Variants in WDFY3 observed in about 807,000 individuals in gnomAD.
WDFY3 encodes WD repeat and FYVE domain containing 3, also known as WD repeat and FYVE domain-containing protein 3.
Under a neutral mutation model 409.6 loss-of-function variants are expected in WDFY3, and 66 were observed. The ratio of observed to expected loss-of-function variants is 0.16; its 90% CI spans 0.13 to 0.20. The LOEUF is 0.20. Among genes scored for constraint, WDFY3 ranks in the 10% least tolerant of loss-of-function variants. The pLI is 1.00. For missense variants in WDFY3, 3,031 were observed against 4,298.1 expected (o/e 0.71, Z 8.24); for synonymous variants, 1,521 against 1,537.1 (o/e 0.99, Z 0.25).
chr4:84,828,733 T>C (rs758058250), intron 9 of WDFY3, among the ~76,000 whole-genome samples: 1 of 152,134 alleles, frequency 6.6e-6, no homozygotes, highest in Non-Finnish European at 1.5e-5. Flanking sequence ...CCTGTCTCTA[T>C]GGAAAATGTT....
intron 2 of WDFY3, among the ~76,000 whole-genome samples, chr4:84,924,938 T>C (rs1355048596): frequency 6.6e-6 from 1 of 152,192 alleles, no homozygotes; most frequent in African/African-American, 2.4e-5. Context: ...CAATATACTA[T>C]TACATGTATA....
chr4:84,896,739 C>A (rs926791516), intron 3 of WDFY3, among the ~76,000 whole-genome samples, 172 bp downstream of exon 3: 2 of 152,242 alleles, frequency 1.3e-5, no homozygotes, highest in Non-Finnish European at 2.9e-5. Flanking sequence ...GATACATTTT[C>A]TATTTCCTAA....
intron 1 of WDFY3, among the ~76,000 whole-genome samples, chr4:84,942,922 C>T (rs541766804): frequency 2.6e-5 from 4 of 152,146 alleles, no homozygotes; most frequent in African/African-American, 7.2e-5. Context: ...TTTCATTAAG[C>T]TTCAACTTAC....
intron 44 of WDFY3, among the ~76,000 whole-genome samples, chr4:84,732,638 C>T (rs962712435): frequency 2.0e-5 from 3 of 152,118 alleles, no homozygotes; most frequent in South Asian, 2.1e-4. Flanking sequence ...ATTTGTCCTT[C>T]GTACCTTGTT....
chr4:84,766,507 T>C (rs1389552410), intron 30 of WDFY3, 135 bp from the exon 31 acceptor site: 2 of 825,662 alleles, frequency 2.4e-6, no homozygotes, highest in African/African-American at 1.8e-5. Context: ...TTCACCAACA[T>C]GGACAAGAAA....
intron 3 of WDFY3, among the ~76,000 whole-genome samples, chr4:84,894,313 A>G (rs1343881158): frequency 1.3e-5 from 2 of 152,206 alleles, no homozygotes; most frequent in African/African-American, 2.4e-5. Context: ...GTACTTATGT[A>G]TAAGTGATTT....
At chr4:84,943,321 G>A (rs916086540) in intron 1 of WDFY3, among the ~76,000 whole-genome samples, 11 of 152,050 alleles carry the variant, frequency 7.2e-5, no homozygotes, top group Admixed American at 6.5e-4. Flanking sequence ...CTAACACCCA[G>A]TGAAACCCCA....
chr4:84,803,258 A>G (rs1750943941), intron 16 of WDFY3, 32 bp downstream of exon 16: 1 of 1,558,944 alleles, frequency 6.4e-7, no homozygotes, highest in South Asian at 1.2e-5. Flanking sequence ...ATTTCATTAC[A>G]GACGGGAAGG....
chr4:84,742,177 T>C (rs1738549512), intron 37 of WDFY3, among the ~76,000 whole-genome samples: 2 of 152,220 alleles, frequency 1.3e-5, no homozygotes, highest in Admixed American at 6.5e-5. Flanking sequence ...GAGTCTGTGA[T>C]AAACAAGCAG....
chr4:84,718,672 A>G (rs1734357843), intron 47 of WDFY3, 102 bp from the exon 48 acceptor site: 1 of 1,348,358 alleles, frequency 7.4e-7, no homozygotes, highest in Non-Finnish European at 1.0e-6. Flanking sequence ...ATTAAATCAG[A>G]GTTTAAGCAT....
At chr4:84,855,881 A>C (rs189039671) in intron 4 of WDFY3, among the ~76,000 whole-genome samples, 1 of 152,334 alleles carries the variant, frequency 6.6e-6, no homozygotes, top group Admixed American at 6.5e-5. Flanking sequence ...CAGAATGCCT[A>C]ACTCAGTCCC....
Position 84,765,794 on chromosome 4 carries a change from T to C in WDFY3, c.5188+16A>G. 2 of 1,609,588 alleles carry C rather than the reference T, an allele frequency of 1.2e-6. No homozygotes were observed. Among genetic ancestry groups the C allele is most frequent in the Non-Finnish European group, 1.7e-6 (2 of 1,177,182 alleles). ...ACCAGCTCATTTTCAAGCAGCTGAC[T>C]AGAAAAGTCCCATACCTAATACAGT... On this transcript the variant is annotated intron_variant, in intron 32 of 67. Coordinates refer to ENST00000295888, the MANE Select transcript of WDFY3 (RefSeq NM_014991.6).
chr4:84,803,781 TCA>T (rs1308068923), intron 15 of WDFY3: 1 of 189,846 alleles, frequency 5.3e-6, no homozygotes, highest in African/African-American at 2.3e-5. Flanking sequence ...ACAAGTACAA[TCA>T]CAGTGATTCA....
At chr4:84,933,816 T>G (rs1245365853) in intron 1 of WDFY3, among the ~76,000 whole-genome samples, 1 of 152,154 alleles carries the variant, frequency 6.6e-6, no homozygotes, top group African/African-American at 2.4e-5. Context: ...CTTAACATAA[T>G]GTCCTCCAGT....
chr4:84,750,592 G>T (rs745870777), intron 36 of WDFY3, among the ~76,000 whole-genome samples: 1 of 152,132 alleles, frequency 6.6e-6, no homozygotes, highest in African/African-American at 2.4e-5. Context: ...CAGAGCCCCT[G>T]GCATGGACTG....
intron 49 of WDFY3, among the ~76,000 whole-genome samples, chr4:84,716,254 GGT>G (rs1430499498): frequency 5.5e-5 from 8 of 144,344 alleles, no homozygotes; most frequent in South Asian, 2.2e-4. Context: ...TGGCTAACAT[GGT>G]GAAACCCCGT....
At chr4:84,880,964 C>A (rs1169597443) in intron 3 of WDFY3, among the ~76,000 whole-genome samples, 1 of 151,492 alleles carries the variant, frequency 6.6e-6, no homozygotes, top group East Asian at 2.0e-4. Flanking sequence ...CTTAAGTGAT[C>A]CGCCCTCCTC....
chr4:84,703,233 A>G (rs995238638), intron 55 of WDFY3, among the ~76,000 whole-genome samples: 10 of 152,238 alleles, frequency 6.6e-5, no homozygotes, highest in Non-Finnish European at 5.9e-5. Context: ...ATAAATTAAC[A>G]TGATATGCAA....
At position 84,748,200 on chromosome 4, in the gene WDFY3, C is replaced by T. The variant is rs1739844171; in HGVS notation, c.5973+3283G>A. Among the ~76,000 whole-genome samples the T allele has an allele frequency of 3.3e-5, 5 of 152,162 alleles. No individual in the cohort carries two copies. The South Asian group carries it at 1.0e-3, about 32-fold the overall frequency. The stretch of plus-strand genomic sequence containing the variant: ...GCTAGGAGAAGAGTCTCCAGGCACC[C>T]TTGTAGAAGCCAACACAGGCCACGT... On this transcript the variant is annotated intron_variant, in intron 36 of 67. Coordinates refer to ENST00000295888, the MANE Select transcript of WDFY3 (RefSeq NM_014991.6).
Sources: allele counts gnomAD v4.1 joint callset (sites outside exome capture counted in the v4.1 genomes callset), GRCh38; gene constraint gnomAD v4.1.1; transcripts MANE v1.5; gene names NCBI Gene and HGNC (gene_info 2026-07-23, HGNC 2026-07-21).